The following WDFY4 variants were observed in gnomAD, a reference collection of about 807,000 sequenced individuals.
WDFY4 encodes WDFY family member 4.
In WDFY4, 169 loss-of-function variants were observed where a neutral mutation model predicts 351.9. The ratio of observed to expected loss-of-function variants is 0.48; its 90% CI spans 0.42 to 0.55. The LOEUF (loss-of-function observed/expected upper bound fraction) is 0.55. WDFY4 is among the 20% of genes least tolerant of loss of function. The pLI is 0.00. For missense variants in WDFY4, 3,803 were observed against 3,935.6 expected (o/e 0.97, Z 0.90); for synonymous variants, 1,622 against 1,574.6 (o/e 1.03, Z -0.71).
At chr10:48,818,961 T>G (rs1368829318) in intron 32 of WDFY4, among the ~76,000 whole-genome samples, 1 of 152,218 alleles carries the variant, frequency 6.6e-6, no homozygotes, top group East Asian at 1.9e-4. Context: ...GCAGGTTTTC[T>G]GCAGGGGTCC....
intron 25 of WDFY4, among the ~76,000 whole-genome samples, chr10:48,803,571 T>C (rs2067154801): frequency 6.6e-6 from 1 of 152,170 alleles, no homozygotes; most frequent in African/African-American, 2.4e-5. Flanking sequence ...TAGAGGCCTC[T>C]CTAGCCCCAG....
chr10:48,857,922 G>T (rs1345027767), intron 39 of WDFY4, among the ~76,000 whole-genome samples: 3 of 152,038 alleles, frequency 2.0e-5, no homozygotes, highest in Non-Finnish European at 4.4e-5. Flanking sequence ...CTCCCGAGTA[G>T]CTGGGATTAC....
At chr10:48,866,191 G>A (rs186522473) in intron 39 of WDFY4, among the ~76,000 whole-genome samples, 16 of 151,884 alleles carry the variant, frequency 1.1e-4, no homozygotes, top group African/African-American at 3.4e-4. Flanking sequence ...TTGATTTAAC[G>A]TGTTTCTTTT....
chr10:48,937,492 T>G lies in WDFY4; in HGVS notation c.7587-4314T>G, dbSNP rs868320313. 3.9e-5 allele frequency among the ~76,000 whole-genome samples: 6 copies of G among 152,264 alleles called. 1 individual carries two copies. Among genetic ancestry groups the G allele is most frequent in the African/African-American group, 1.4e-4 (6 of 41,552 alleles). On this transcript the variant is annotated intron_variant, in intron 47 of 61. Transcript: ENST00000325239. Reference sequence around the variant, plus strand: ...CCAGGCCTAGGGTAGACACCAACAATGAATTTCACCTCCCTGGCCTGTACA... The same window carrying G: ...CCAGGCCTAGGGTAGACACCAACAAGGAATTTCACCTCCCTGGCCTGTACA...
intron 34 of WDFY4, among the ~76,000 whole-genome samples, chr10:48,821,574 T>C (rs1163252636): frequency 6.6e-6 from 1 of 152,224 alleles, no homozygotes; most frequent in East Asian, 1.9e-4. Flanking sequence ...ACAATGAACC[T>C]GGATGAAGAT....
At chr10:48,685,744 A>G (rs888337697) in intron 1 of WDFY4, among the ~76,000 whole-genome samples, 1 of 144,898 alleles carries the variant, frequency 6.9e-6, no homozygotes, top group East Asian at 1.9e-4. Context: ...TAAGGGCTCT[A>G]TGCATTACCC....
chr10:48,799,772 TCAAA>T (rs749005558), intron 24 of WDFY4, among the ~76,000 whole-genome samples: 22 of 152,208 alleles, frequency 1.4e-4, no homozygotes, highest in Non-Finnish European at 2.9e-4. Flanking sequence ...AGACTTCGTC[TCAAA>T]CAAACAAACA....
In WDFY4 at chr10:48,731,424, T is replaced by G; in HGVS notation, c.1444T>G (p.Cys482Gly). 6.4e-7 allele frequency: 1 copy of G among 1,551,758 alleles called. No homozygotes were observed. Among genetic ancestry groups the G allele is most frequent in the Non-Finnish European group, 8.7e-7 (1 of 1,147,006 alleles). ...HLIKESPGPS[C>G]TLMALQSILS... Reference sequence around the variant, plus strand: ...GATCAAGGAGAGCCCTGGGCCATCCTGCACCCTCATGGCCCTGCAGAGCAT... The same window carrying G: ...GATCAAGGAGAGCCCTGGGCCATCCGGCACCCTCATGGCCCTGCAGAGCAT... Residue 482 changes from cysteine to glycine, a missense_variant, in exon 9 of 62, where the codon TGC (cysteine) becomes GGC (glycine). Physicochemically the swap from Cys to Gly is radical, Grantham distance 159 (BLOSUM62 -3). Coordinates refer to ENST00000325239, the MANE Select transcript of WDFY4 (RefSeq NM_001394531.1).
chr10:48,911,909 G>C (rs1838039742), intron 47 of WDFY4, among the ~76,000 whole-genome samples: 1 of 152,218 alleles, frequency 6.6e-6, no homozygotes, highest in Non-Finnish European at 1.5e-5. Context: ...GAAGTAAGCA[G>C]CAAGGGGTGA....
intron 12 of WDFY4, among the ~76,000 whole-genome samples, chr10:48,747,692 C>G (rs1320420377): frequency 1.3e-5 from 2 of 152,206 alleles, no homozygotes; most frequent in African/African-American, 4.8e-5. Flanking sequence ...TCTAGATATA[C>G]TGTTTCTTTT....
intron 39 of WDFY4, among the ~76,000 whole-genome samples, chr10:48,861,497 A>T (rs1003554644): frequency 4.6e-5 from 7 of 152,184 alleles, no homozygotes; most frequent in Non-Finnish European, 7.3e-5. Flanking sequence ...CTTTATTTTC[A>T]GCACTTGAGA....
chr10:48,830,076 A>T (rs539927941), intron 37 of WDFY4, among the ~76,000 whole-genome samples: 1 of 152,360 alleles, frequency 6.6e-6, no homozygotes, highest in South Asian at 2.1e-4. Flanking sequence ...TCATTGGTCC[A>T]AGATCAGAGA....
At chr10:48,870,270 C>T (rs1828061000) in intron 40 of WDFY4, among the ~76,000 whole-genome samples, 1 of 152,138 alleles carries the variant, frequency 6.6e-6, no homozygotes, top group African/African-American at 2.4e-5. Flanking sequence ...AGTGTGGTGG[C>T]TCATGCCTCT....
At chr10:48,877,352 T>C (rs2070060375) in intron 43 of WDFY4, among the ~76,000 whole-genome samples, 153 bp downstream of exon 43, 1 of 152,312 alleles carries the variant, frequency 6.6e-6, no homozygotes, top group Non-Finnish European at 1.5e-5. Context: ...AAAAAAGGGA[T>C]AGATTCCTAA....
In WDFY4 at chr10:48,774,605, C is replaced by A. The variant is rs1230617177; in HGVS notation, c.2701C>A (p.Leu901Ile). 5.2e-6 allele frequency: 8 copies of A among 1,551,638 alleles called. No homozygotes were observed. The highest frequency in any genetic ancestry group is 1.4e-5 in the African/African-American group (1 of 73,070). The change falls in exon 14 of 62, where the codon CTC (leucine) becomes ATC (isoleucine). Residue 901 changes from leucine to isoleucine, a missense_variant. Leu to Ile is a conservative substitution (Grantham distance 5, BLOSUM62 2). Around this residue, in one of 3 missense-constraint regions of WDFY4, gnomAD observed 3,054 missense variants for 3,148.6 expected, o/e 0.97. Transcript: ENST00000325239. ...GGCCCTGGTCACCAGTGGCAGCCCC[C>A]TCCACTCACGCCTCATCAGGATCTT... Reference protein sequence around the residue: ...HRALVTSGSPLHSRLIRIFEK... With the variant: ...HRALVTSGSPIHSRLIRIFEK...
At chr10:48,858,451 C>G (rs936666502) in intron 39 of WDFY4, among the ~76,000 whole-genome samples, 2 of 152,118 alleles carry the variant, frequency 1.3e-5, no homozygotes, top group African/African-American at 4.8e-5. Context: ...GCTCCAACAC[C>G]ATTTGCTGAA....
At chr10:48,906,667 C>G (rs1837631559) in intron 47 of WDFY4, among the ~76,000 whole-genome samples, 1 of 152,208 alleles carries the variant, frequency 6.6e-6, no homozygotes. Context: ...GGAAAGGGGG[C>G]AGCTAGCTGG....
At chr10:48,705,244 T>C (rs1388577955) in intron 1 of WDFY4, among the ~76,000 whole-genome samples, 1 of 152,240 alleles carries the variant, frequency 6.6e-6, no homozygotes, top group Admixed American at 6.5e-5. Flanking sequence ...ATCCTGTTTT[T>C]ATTTAAAATT....
chr10:48,823,427 C>T (rs11101516), intron 35 of WDFY4: 152,334 of 1,196,856 alleles, frequency 0.13, 10,930 homozygotes, highest in African/African-American at 0.29. Flanking sequence ...CTTCACATCT[C>T]ATAGAGAGTG....
Sources: gnomAD v4.1 joint callset for allele counts (sites outside exome capture counted in the v4.1 genomes callset) on GRCh38, gnomAD v4.1.1 for gene constraint, gnomAD v4.1.1 regional missense constraint, MANE v1.5 for transcripts, NCBI Gene and HGNC (gene_info 2026-07-23, HGNC 2026-07-21) for gene names.